The following CNOT4 variants were observed in gnomAD, a reference collection of about 807,000 sequenced individuals.
CNOT4 encodes the protein CCR4-NOT transcription complex subunit 4.
Under a neutral mutation model 73.8 loss-of-function variants are expected in CNOT4, and 8 were observed. That is an observed-to-expected ratio of 0.11 (90% CI 0.06 to 0.20). CNOT4 has a LOEUF of 0.20. Among genes scored for constraint, CNOT4 ranks in the 10% least tolerant of loss-of-function variants. CNOT4 has a pLI of 1.00. For missense variants in CNOT4, 564 were observed against 883.4 expected, an observed-to-expected ratio of 0.64 and a Z score of 4.58; for synonymous variants, 293 against 321.1, an observed-to-expected ratio of 0.91 and a Z score of 0.94.
chr7:135,411,696 T>A, intron 6 of CNOT4, among the ~76,000 whole-genome samples: 1 of 152,030 alleles, frequency 6.6e-6, no homozygotes, highest in East Asian at 1.9e-4. Flanking sequence ...GATGTTAATT[T>A]TTTTAAATTA....
chr7:135,393,307 T>C lies in CNOT4; in HGVS notation c.1627+611A>G, dbSNP rs554061242. Among the ~76,000 whole-genome samples, 30 of 152,344 alleles carry C rather than the reference T, an allele frequency of 2.0e-4. No homozygotes were observed. The South Asian group carries it at 2.5e-3, about 13-fold the overall frequency. On this transcript the variant is annotated intron_variant, in intron 10 of 11. Coordinates refer to ENST00000541284, the MANE Select transcript of CNOT4 (RefSeq NM_001190850.2). ...ATATTTTTCCCCAGAAATAAAAACA[T>C]GGCAGATCAAATGGGAAAGTATCTT...
At chr7:135,383,887 C>T (rs1189823727) in intron 10 of CNOT4, among the ~76,000 whole-genome samples, 1 of 152,206 alleles carries the variant, frequency 6.6e-6, no homozygotes, top group Non-Finnish European at 1.5e-5. Flanking sequence ...TTATACATTT[C>T]AATGTGGTCT....
intron 1 of CNOT4, among the ~76,000 whole-genome samples, chr7:135,501,443 A>T (rs1352604310): frequency 6.6e-6 from 1 of 152,202 alleles, no homozygotes; most frequent in Admixed American, 6.5e-5. Flanking sequence ...TTAGGGCATG[A>T]GGGACTAAAG....
intron 10 of CNOT4, among the ~76,000 whole-genome samples, chr7:135,377,670 C>T (rs1795595100): frequency 6.6e-6 from 1 of 152,038 alleles, no homozygotes; most frequent in African/African-American, 2.4e-5. Flanking sequence ...TTTCAAAAGA[C>T]CCTGAATTCA....
chr7:135,507,677 C>T (rs1006866166), intron 1 of CNOT4, among the ~76,000 whole-genome samples: 3 of 152,144 alleles, frequency 2.0e-5, no homozygotes, highest in Non-Finnish European at 4.4e-5. Context: ...TCTCCTAGAA[C>T]TCACTGCTTA....
intron 1 of CNOT4, among the ~76,000 whole-genome samples, chr7:135,487,229 T>C (rs1585721050): frequency 6.6e-6 from 1 of 152,014 alleles, no homozygotes; most frequent in African/African-American, 2.4e-5. Context: ...TGTGCTTTTA[T>C]ATGATTTTCT....
intron 10 of CNOT4, among the ~76,000 whole-genome samples, chr7:135,368,987 A>G (rs1021018752): frequency 2.0e-5 from 3 of 152,108 alleles, no homozygotes; most frequent in African/African-American, 7.2e-5. Flanking sequence ...TGCTCCTAAC[A>G]GTAAGCTGTC....
intron 3 of CNOT4, among the ~76,000 whole-genome samples, chr7:135,419,773 T>C (rs904930079): frequency 6.6e-6 from 1 of 151,976 alleles, no homozygotes; most frequent in African/African-American, 2.4e-5. Context: ...AAAAACACGA[T>C]GGCTCACACC....
At chr7:135,456,200 T>A (rs117910194) in intron 1 of CNOT4, among the ~76,000 whole-genome samples, 4 of 152,204 alleles carry the variant, frequency 2.6e-5, no homozygotes, top group Non-Finnish European at 4.4e-5. Flanking sequence ...CTACGGACAT[T>A]GAAAACTGAA....
intron 1 of CNOT4, among the ~76,000 whole-genome samples, chr7:135,458,840 A>T (rs973334608): frequency 8.5e-5 from 13 of 152,124 alleles, no homozygotes; most frequent in African/African-American, 3.1e-4. Flanking sequence ...TGAAGTCTTA[A>T]ACCTCTCAAA....
At chr7:135,367,700 A>T (rs927511676) in intron 10 of CNOT4, among the ~76,000 whole-genome samples, 2 of 152,218 alleles carry the variant, frequency 1.3e-5, no homozygotes, top group African/African-American at 2.4e-5. Context: ...AATAACACTC[A>T]TCATTCTCAG....
chr7:135,505,538 C>T (rs1349151272), intron 1 of CNOT4, among the ~76,000 whole-genome samples: 2 of 151,946 alleles, frequency 1.3e-5, no homozygotes, highest in African/African-American at 2.4e-5. Flanking sequence ...GGTGACAGAG[C>T]GAGACTCCGT....
At chr7:135,504,920 G>T (rs1804267487) in intron 1 of CNOT4, among the ~76,000 whole-genome samples, 1 of 152,098 alleles carries the variant, frequency 6.6e-6, no homozygotes, top group African/African-American at 2.4e-5. Context: ...GAGCCACCGT[G>T]CCCGGTCACA....
At chr7:135,469,724 T>C (rs953705546) in intron 1 of CNOT4, among the ~76,000 whole-genome samples, 1 of 152,218 alleles carries the variant, frequency 6.6e-6, no homozygotes, top group African/African-American at 2.4e-5. Flanking sequence ...TTCTATATAT[T>C]AACCCAAGAA....
At chr7:135,381,399 G>A (rs937245682) in intron 10 of CNOT4, among the ~76,000 whole-genome samples, 20 of 152,284 alleles carry the variant, frequency 1.3e-4, no homozygotes, top group African/African-American at 4.8e-4. Context: ...ACATTTCAAA[G>A]CTATTTAGAG....
intron 1 of CNOT4, among the ~76,000 whole-genome samples, chr7:135,489,371 G>C (rs1452599861): frequency 7.0e-6 from 1 of 141,964 alleles, no homozygotes; most frequent in Middle Eastern, 3.4e-3. Context: ...GCACAATCTT[G>C]ATTCAGACTA....
intron 1 of CNOT4, among the ~76,000 whole-genome samples, chr7:135,471,169 C>G (rs1310657893): frequency 6.6e-6 from 1 of 151,912 alleles, no homozygotes; most frequent in Non-Finnish European, 1.5e-5. Context: ...CCTTGCAACT[C>G]TAAACTCTGG....
intron 6 of CNOT4, 75 bp from the exon 7 acceptor site, chr7:135,410,723 A>T: frequency 1.2e-6 from 1 of 859,692 alleles, no homozygotes; most frequent in Non-Finnish European, 1.6e-6. Context: ...AATCTTCTGA[A>T]TTATTAAATA....
chr7:135,379,460 A>C (rs965875174), intron 10 of CNOT4, among the ~76,000 whole-genome samples: 5 of 152,196 alleles, frequency 3.3e-5, no homozygotes, highest in Admixed American at 6.5e-5. Context: ...ACAGTTCAGA[A>C]GGAAAAAATT....
Sources: allele counts gnomAD v4.1 joint callset (sites outside exome capture counted in the v4.1 genomes callset), GRCh38; gene constraint gnomAD v4.1.1; transcripts MANE v1.5; gene names NCBI Gene and HGNC (gene_info 2026-07-23, HGNC 2026-07-21).